The following ZNF800 variants were observed in gnomAD, a reference collection of about 807,000 sequenced individuals.
ZNF800 encodes zinc finger protein 800.
A neutral mutation model predicts 59.5 loss-of-function variants in ZNF800; 13 were observed. The ratio of observed to expected loss-of-function variants is 0.22; its 90% CI spans 0.14 to 0.35. The LOEUF is 0.35. Among genes scored for constraint, ZNF800 ranks in the 10% least tolerant of loss-of-function variants. ZNF800 has a pLI of 1.00. For missense variants in ZNF800, 621 were observed against 783.7 expected (o/e 0.79, Z 2.48); for synonymous variants, 266 against 265.7 (o/e 1.00, Z -0.01).
At position 127,373,791 on chromosome 7, in the gene ZNF800, A is replaced by G; in HGVS notation, c.1545T>C (p.Tyr515=). 1 of 1,614,182 alleles carries G rather than the reference A, an allele frequency of 6.2e-7. No homozygotes were observed. The highest frequency in any genetic ancestry group is 2.2e-5 in the East Asian group (1 of 44,884). The change falls in exon 5 of 6, where the codon TAT becomes TAC. Residue 515 remains tyrosine, a synonymous_variant. Coordinates refer to ENST00000265827, the MANE Select transcript of ZNF800 (RefSeq NM_176814.5). ...AAAGAGGACACTTGTAGAATTTAAC[A>G]TAAATGTTATTTCCATCTGTGTGCA... The part of the protein sequence containing the change: ...IELHTDGNNI[Y]VKFYKCPLCT...
intron 2 of ZNF800, among the ~76,000 whole-genome samples, chr7:127,389,709 T>A (rs756758280): frequency 6.6e-6 from 1 of 152,130 alleles, no homozygotes; most frequent in African/African-American, 2.4e-5. Flanking sequence ...AAACAGTAAC[T>A]ACTGTTGACG....
At chr7:127,385,093 G>A (rs1449178089) in intron 3 of ZNF800, among the ~76,000 whole-genome samples, 1 of 152,086 alleles carries the variant, frequency 6.6e-6, no homozygotes, top group East Asian at 1.9e-4. Flanking sequence ...GCAAATATAT[G>A]ATTTCCCCGT....
downstream of ZNF800, among the ~76,000 whole-genome samples, chr7:127,367,500 T>A (rs1229922262): frequency 6.6e-6 from 1 of 152,112 alleles, no homozygotes. Flanking sequence ...CATAGAGTTG[T>A]TGGTAGGATT....
chr7:127,364,185 T>A (rs1394294933), intron 1 of ZNF800: 1 of 152,098 alleles, frequency 6.6e-6, no homozygotes, highest in African/African-American at 2.4e-5. Flanking sequence ...GCACTAATGG[T>A]TGCAGAGGTC....
intron 2 of ZNF800, among the ~76,000 whole-genome samples, chr7:127,389,718 C>T (rs568083061): frequency 6.6e-6 from 1 of 152,016 alleles, no homozygotes; most frequent in Non-Finnish European, 1.5e-5. Context: ...CTACTGTTGA[C>T]GTGATAAGTC....
At chr7:127,346,263 G>A (rs1216543145), downstream of ZNF800, among the ~76,000 whole-genome samples, 1 of 152,160 alleles carries the variant, frequency 6.6e-6, no homozygotes, top group Admixed American at 6.5e-5. Flanking sequence ...GAGATGAAAA[G>A]GTATGAAGAG....
intron 1 of ZNF800, among the ~76,000 whole-genome samples, chr7:127,356,998 C>A (rs947736436): frequency 6.6e-6 from 1 of 151,888 alleles, no homozygotes; most frequent in Non-Finnish European, 1.5e-5. Context: ...GGATACAGAC[C>A]AATGGCATCT....
chr7:127,369,173 T>C (rs1800575978), downstream of ZNF800, among the ~76,000 whole-genome samples: 1 of 152,242 alleles, frequency 6.6e-6, no homozygotes, highest in South Asian at 2.1e-4. Context: ...CTGTTGTTTC[T>C]CCTCTCCCAC....
At chr7:127,390,267 C>T (rs933505653) in intron 2 of ZNF800, among the ~76,000 whole-genome samples, 9 of 152,106 alleles carry the variant, frequency 5.9e-5, no homozygotes, top group African/African-American at 2.2e-4. Flanking sequence ...CATTCAACAT[C>T]AGTAAAACAT....
chr7:127,388,779 G>A (rs1475452176), intron 2 of ZNF800, among the ~76,000 whole-genome samples: 1 of 152,100 alleles, frequency 6.6e-6, no homozygotes, highest in African/African-American at 2.4e-5. Context: ...GATTAGCTTA[G>A]CTGTGCCTGG....
rs1399951318 is a variant in ZNF800 at position 127,377,264 on chromosome 7, G to A, written c.223C>T (p.Arg75Cys). Residue 75 changes from arginine to cysteine, a missense_variant, in exon 4 of 6, where the codon CGC becomes TGC. Coordinates refer to ENST00000265827, the MANE Select transcript of ZNF800 (RefSeq NM_176814.5). The surrounding 1 kb of genome is among the most constrained non-coding windows in gnomAD (Gnocchi z 4.7). ...VDTIFECKLC[R>C]SLFRGLPNLI... ...TTTGGTAATCCTCTGAAGAGACTGC[G>A]GCATAACTTACATTCAAAAATAGTG... 2 of 1,611,480 alleles carry A rather than the reference G, an allele frequency of 1.2e-6. No homozygotes were observed. Among genetic ancestry groups the A allele is most frequent in the Non-Finnish European group, 8.5e-7 (1 of 1,178,178 alleles).
At chr7:127,388,420 T>A (rs1801207365) in intron 2 of ZNF800, among the ~76,000 whole-genome samples, 1 of 152,058 alleles carries the variant, frequency 6.6e-6, no homozygotes, top group Non-Finnish European at 1.5e-5. Context: ...ACAAAAAAAA[T>A]GGTAACTACA....
At chr7:127,390,208 A>G (rs1801267357) in intron 2 of ZNF800, among the ~76,000 whole-genome samples, 1 of 152,214 alleles carries the variant, frequency 6.6e-6, no homozygotes, top group Non-Finnish European at 1.5e-5. Context: ...TCAGTGGAAC[A>G]TGAGTTTAAA....
chr7:127,345,034 T>C (rs1404119390), downstream of ZNF800, among the ~76,000 whole-genome samples: 2 of 152,216 alleles, frequency 1.3e-5, no homozygotes, highest in Admixed American at 1.3e-4. Flanking sequence ...TTGATAGATA[T>C]CTGACAAAGA....
At chr7:127,378,297 A>G (rs1800846719) in intron 3 of ZNF800, among the ~76,000 whole-genome samples, 2 of 152,186 alleles carry the variant, frequency 1.3e-5, no homozygotes, top group South Asian at 4.1e-4. Context: ...GCCACCAGAA[A>G]TAAAATACAA....
chr7:127,373,445 T>C lies in ZNF800; in HGVS notation c.1891A>G (p.Thr631Ala). 6.2e-7 allele frequency: 1 copy of C among 1,614,130 alleles called. No individual in the cohort carries two copies. Among genetic ancestry groups the C allele is most frequent in the Non-Finnish European group, 8.5e-7 (1 of 1,180,010 alleles). The change falls in exon 5 of 6, where the codon ACT (threonine) becomes GCT (alanine). Residue 631 changes from threonine to alanine, a missense_variant. By Grantham distance (58) the Thr-to-Ala change is moderately conservative (BLOSUM62 0). This residue lies in a region of ZNF800 where 94 missense variants were observed against 108.5 expected (regional missense o/e 0.87). Transcript: ENST00000265827. ...GTTTTCTTATGATGTTCAAGGTAAG[T>C]CTTTTTGGCAAATGCCTTTCCACAT... ...NKCGKAFAKK[T>A]YLEHHKKTHK...
At position 127,352,064 on chromosome 7, in the gene ZNF800, A is replaced by G. The variant is rs531860206; in HGVS notation, n.225-4021T>C. The stretch of plus-strand genomic sequence containing the variant: ...AGCAAGATCACATACAGTCAAAGGC[A>G]TTGTCCTAATTAGCTCATGGATTCA... On this transcript the variant is annotated intron_variant and non_coding_transcript_variant, in intron 1 of 1. Transcript: ENST00000485577. Among the ~76,000 whole-genome samples, 5 of 152,360 alleles carry G rather than the reference A, an allele frequency of 3.3e-5. No homozygotes were observed. The South Asian group carries it at 8.3e-4, about 25-fold the overall frequency.
Position 127,371,424 on chromosome 7 carries a change from T to C in ZNF800, c.*390A>G, listed in dbSNP as rs955290354. 6.1e-6 allele frequency: 1 copy of C among 163,452 alleles called. No individual in the cohort carries two copies. Among genetic ancestry groups the C allele is most frequent in the Non-Finnish European group, 1.3e-5 (1 of 75,616 alleles). The allele number at this position is 163,452 out of a possible 1,614,324, so 10.1% of individuals were successfully genotyped here. A position where few individuals can be genotyped will look rare whatever the true frequency, so the allele number is the denominator to read the frequency against. On this transcript the variant is annotated 3_prime_UTR_variant, in exon 6 of 6. Coordinates refer to ENST00000265827, the MANE Select transcript of ZNF800 (RefSeq NM_176814.5). ...TAAAGAGAAACAAAACTAAAATCAC[T>C]AAGATATAAAGTCTTTGTCAATTAA...
At chr7:127,359,710 T>G (rs1800358714) in intron 1 of ZNF800, 1 of 151,678 alleles carries the variant, frequency 6.6e-6, no homozygotes, top group Admixed American at 6.6e-5. Flanking sequence ...GACAGGAGGA[T>G]CGGAAATGAG....
Sources: gnomAD v4.1 joint callset for allele counts (sites outside exome capture counted in the v4.1 genomes callset) on GRCh38, gnomAD v4.1.1 for gene constraint, gnomAD v4.1.1 regional missense constraint, Gnocchi (gnomAD v3.1) non-coding constraint, MANE v1.5 for transcripts, NCBI Gene and HGNC (gene_info 2026-07-23, HGNC 2026-07-21) for gene names.